RIOK1: variants seen among roughly 807,000 people sequenced by gnomAD.
RIOK1 encodes the protein serine/threonine-protein kinase RIO1.
Under a neutral mutation model 73.5 loss-of-function variants are expected in RIOK1, and 66 were observed. The ratio of observed to expected loss-of-function variants is 0.90; its 90% CI spans 0.74 to 1.10. The LOEUF (loss-of-function observed/expected upper bound fraction) is 1.10. Ranked by LOEUF, RIOK1 falls within the 50% of genes least tolerant of loss-of-function variation. The pLI is 0.00. For missense variants in RIOK1, 658 were observed against 699.8 expected (o/e 0.94, Z 0.67); for synonymous variants, 224 against 226.8 (o/e 0.99, Z 0.11).
At chr6:7,413,686 A>T (rs1761937989) in intron 15 of RIOK1, among the ~76,000 whole-genome samples, 1 of 152,232 alleles carries the variant, frequency 6.6e-6, no homozygotes, top group African/African-American at 2.4e-5. Context: ...ATCTTGTTGT[A>T]CAATTGACTT....
chr6:7,391,783 C>G (rs1410785999), intron 1 of RIOK1, among the ~76,000 whole-genome samples: 1 of 152,092 alleles, frequency 6.6e-6, no homozygotes, highest in African/African-American at 2.4e-5. Flanking sequence ...GAAGACAGTC[C>G]CCCACAACGA....
intron 6 of RIOK1, among the ~76,000 whole-genome samples, chr6:7,401,493 TA>T (rs1477285725): frequency 6.6e-6 from 1 of 152,188 alleles, no homozygotes; most frequent in Admixed American, 6.6e-5. Context: ...TACTCAGCTA[TA>T]ATGGCAGGGG....
intron 12 of RIOK1, among the ~76,000 whole-genome samples, chr6:7,406,059 G>A (rs115271581): frequency 1.3e-3 from 195 of 150,216 alleles, no homozygotes; most frequent in African/African-American, 4.4e-3. Context: ...ACATAGTGGC[G>A]CACTCTTGGT....
At chr6:7,402,205 A>ACT (rs1389570482) in intron 6 of RIOK1, among the ~76,000 whole-genome samples, 1 of 152,146 alleles carries the variant, frequency 6.6e-6, no homozygotes, top group Non-Finnish European at 1.5e-5. Flanking sequence ...AGCCTACTGC[A>ACT]CTCTCAGGCT....
intron 14 of RIOK1, 69 bp downstream of exon 14, chr6:7,411,520 TG>T (rs1761883053): frequency 1.3e-6 from 2 of 1,557,462 alleles, no homozygotes; most frequent in South Asian, 2.3e-5. Context: ...CAAACCTATC[TG>T]GGCCTTTTAA....
rs755536994 is a variant in RIOK1 at position 7,396,779 on chromosome 6, A to C, written c.437+7A>C. ...GACAAAAGGAAGCAGATATGTAAGT[A>C]ATATTTTAATAATATGCATGGGTGA... On this transcript the variant is annotated splice_region_variant and intron_variant, in intron 4 of 16. Transcript: ENST00000379834. 1 of 1,453,876 alleles carries C rather than the reference A, an allele frequency of 6.9e-7. No individual in the cohort carries two copies. Among genetic ancestry groups the C allele is most frequent in the Admixed American group, 1.7e-5 (1 of 58,796 alleles). 90.1% of individuals were successfully genotyped at this position (1,453,876 alleles called of 1,614,324 possible). A position where few individuals can be genotyped will look rare whatever the true frequency, so the allele number is the denominator to read the frequency against.
rs530500471 is a variant in RIOK1, at chr6:7,404,167, G to A, written c.854+140G>A. 1.5e-4 allele frequency: 114 copies of A among 752,568 alleles called. 1 individual carries two copies. The African/African-American group carries it at 1.9e-3, about 13-fold the overall frequency. 46.6% of individuals were successfully genotyped at this position (752,568 alleles called of 1,614,324 possible). ...ATATTAGTGAATAAGTGTTATCAAT[G>A]TATTCTACCTTTTCAAGTCTGAAAA... is the stretch of plus-strand genomic sequence containing the variant. On this transcript the variant is annotated intron_variant, in intron 9 of 16. Coordinates refer to ENST00000379834, the MANE Select transcript of RIOK1 (RefSeq NM_031480.3).
intron 16 of RIOK1, among the ~76,000 whole-genome samples, chr6:7,415,626 A>G (rs948441997): frequency 6.6e-6 from 1 of 152,222 alleles, no homozygotes; most frequent in African/African-American, 2.4e-5. Flanking sequence ...AGTTGATGGC[A>G]CCATGTTGCA....
intron 2 of RIOK1, among the ~76,000 whole-genome samples, chr6:7,394,591 T>C (rs938096381): frequency 7.2e-5 from 11 of 152,234 alleles, no homozygotes; most frequent in African/African-American, 2.7e-4. Flanking sequence ...AATTTCATTA[T>C]TGAAGTTTGC....
In RIOK1 at chr6:7,404,575, T is replaced by TA. The variant is rs780325687; in HGVS notation, c.992+22dup. Reference sequence around the variant, plus strand: ...CATGCTGTGAGTGTATTTTGTCTCTTAAGAACTGCCTGTCAGTTGTTTCGT... The same window carrying TA: ...CATGCTGTGAGTGTATTTTGTCTCTTAAAGAACTGCCTGTCAGTTGTTTCGT... On this transcript the variant is annotated intron_variant, in intron 10 of 16. Coordinates refer to ENST00000379834, the MANE Select transcript of RIOK1 (RefSeq NM_031480.3). 3 of 1,609,242 alleles carry TA rather than the reference T, an allele frequency of 1.9e-6. No homozygotes were observed. In the Admixed American group the frequency reaches 5.0e-5, roughly 27 times the overall value.
Position 7,389,878 on chromosome 6 carries a change from G to C in RIOK1, c.-125G>C, listed in dbSNP as rs778457104. 4.3e-6 allele frequency: 3 copies of C among 696,484 alleles called. No homozygotes were observed. The highest frequency in any genetic ancestry group is 7.2e-6 in the Non-Finnish European group (3 of 415,742). The allele number at this position is 696,484 out of a possible 1,614,324, so 43.1% of individuals were successfully genotyped here. Reference sequence around the variant, plus strand: ...TTTCCCGTCGCACGTGGTGGCCACTGTTGGCTTCTGAATGGTTTGCAAGGC... The same window carrying C: ...TTTCCCGTCGCACGTGGTGGCCACTCTTGGCTTCTGAATGGTTTGCAAGGC... On this transcript the variant is annotated 5_prime_UTR_variant, in exon 1 of 17. Coordinates refer to ENST00000379834, the MANE Select transcript of RIOK1 (RefSeq NM_031480.3).
intron 16 of RIOK1, among the ~76,000 whole-genome samples, chr6:7,415,024 G>A (rs1430376886): frequency 1.3e-5 from 2 of 152,132 alleles, no homozygotes; most frequent in Non-Finnish European, 2.9e-5. Flanking sequence ...ATGTTGTGGT[G>A]CTTGTGTGCA....
intron 5 of RIOK1, among the ~76,000 whole-genome samples, chr6:7,399,864 G>A (rs1761569441): frequency 6.6e-6 from 1 of 152,118 alleles, no homozygotes; most frequent in African/African-American, 2.4e-5. Flanking sequence ...GTCTTCCCAG[G>A]TGGTTTTGTT....
At chr6:7,414,435 A>G (rs1296259282) in intron 16 of RIOK1, 45 bp downstream of exon 16, 1 of 1,504,966 alleles carries the variant, frequency 6.6e-7, no homozygotes, top group Non-Finnish European at 9.0e-7. Flanking sequence ...GTGGGAGCAC[A>G]GCCGCTCTTA....
At chr6:7,394,915 G>T (rs1464343500) in intron 2 of RIOK1, 138 bp from the exon 3 acceptor site, 6 of 1,354,946 alleles carry the variant, frequency 4.4e-6, no homozygotes, top group Non-Finnish European at 6.1e-6. Flanking sequence ...GAGCCAATTT[G>T]ATTGACTCTT....
At position 7,393,127 on chromosome 6, in the gene RIOK1, G is replaced by A. The variant is rs1027151158; in HGVS notation, c.100G>A (p.Glu34Lys). The A allele has an allele frequency of 1.9e-6, 3 of 1,613,752 alleles. No individual in the cohort carries two copies. The African/African-American group carries it at 4.0e-5, about 22-fold the overall frequency. Reference sequence around the variant, plus strand: ...AAACAGAGACTTGAAGACAGTCAAAGAGAAGGATGACATTCTGTTTGAAGA... The same window carrying A: ...AAACAGAGACTTGAAGACAGTCAAAAAGAAGGATGACATTCTGTTTGAAGA... ...SENRDLKTVK[E>K]KDDILFEDLQ... Residue 34 changes from glutamate to lysine, a missense_variant, in exon 2 of 17, where the codon GAG becomes AAG. Coordinates refer to ENST00000379834, the MANE Select transcript of RIOK1 (RefSeq NM_031480.3).
chr6:7,408,968 G>A (rs1376473894), intron 12 of RIOK1, among the ~76,000 whole-genome samples: 9 of 151,736 alleles, frequency 5.9e-5, no homozygotes, highest in Non-Finnish European at 1.0e-4. Flanking sequence ...TGATCCATCC[G>A]CCTCGGCCTC....
rs1370504666 is a variant in RIOK1, at chr6:7,389,902, G to GC, written c.-100dup. 2.5e-5 allele frequency: 22 copies of GC among 876,062 alleles called. No individual in the cohort carries two copies. The highest frequency in any genetic ancestry group is 8.8e-6 in the Non-Finnish European group (5 of 569,284). 54.3% of individuals were successfully genotyped at this position (876,062 alleles called of 1,614,324 possible). A position where few individuals can be genotyped will look rare whatever the true frequency, so the allele number is the denominator to read the frequency against. On this transcript the variant is annotated 5_prime_UTR_variant, in exon 1 of 17. It removes the in-frame stop codon of an upstream open reading frame in the 5' UTR. Transcript: ENST00000379834. ...TGTTGGCTTCTGAATGGTTTGCAAG[G>GC]CGGATATCCACGCCAAGGCCTTTGG... is the stretch of plus-strand genomic sequence containing the variant.
chr6:7,411,653 T>A (rs375630895), intron 14 of RIOK1: 40 of 503,206 alleles, frequency 7.9e-5, no homozygotes, highest in African/African-American at 6.8e-4. Context: ...AGGTAACACA[T>A]TTGAATGAAT....
Sources: allele counts gnomAD v4.1 joint callset (sites outside exome capture counted in the v4.1 genomes callset), GRCh38; gene constraint gnomAD v4.1.1; transcripts MANE v1.5; gene names NCBI Gene and HGNC (gene_info 2026-07-23, HGNC 2026-07-21).